The following RBFOX1 variants were observed in gnomAD, a reference collection of about 807,000 sequenced individuals.
RBFOX1 encodes the protein RNA binding protein fox-1 homolog 1.
In RBFOX1, 8 loss-of-function variants were observed where a neutral mutation model predicts 57.7. That is an observed-to-expected ratio of 0.14 (90% CI 0.08 to 0.25). RBFOX1 has a LOEUF of 0.25. Ranked by LOEUF, RBFOX1 falls within the 10% of genes least tolerant of loss-of-function variation. The pLI, the probability that RBFOX1 is intolerant of heterozygous loss-of-function variation, is 1.00. For synonymous variants in RBFOX1, 326 were observed against 222.4 expected, an observed-to-expected ratio of 1.47 and a Z score of -4.15; for missense variants, 611 against 548.5, an observed-to-expected ratio of 1.11 and a Z score of -1.14.
intron 3 of RBFOX1, among the ~76,000 whole-genome samples, chr16:5,643,239 G>A (rs1268694743): frequency 6.6e-6 from 1 of 152,178 alleles, no homozygotes; most frequent in Non-Finnish European, 1.5e-5. Flanking sequence ...GGTGAGCCCC[G>A]CTTTTGACCT....
chr16:6,935,895 C>G (rs1438108838), intron 3 of RBFOX1, among the ~76,000 whole-genome samples: 2 of 152,126 alleles, frequency 1.3e-5, no homozygotes, highest in Non-Finnish European at 1.5e-5. Flanking sequence ...ACATCGGTTG[C>G]TAATGGAACC....
At chr16:5,306,935 T>G (rs550993104) in intron 1 of RBFOX1, among the ~76,000 whole-genome samples, 10 of 152,314 alleles carry the variant, frequency 6.6e-5, no homozygotes, top group Middle Eastern at 3.4e-3. Flanking sequence ...CAGCAGCCAG[T>G]GGGGGTGAGG....
At chr16:6,002,099 G>A (rs2060611198) in intron 4 of RBFOX1, among the ~76,000 whole-genome samples, 1 of 151,478 alleles carries the variant, frequency 6.6e-6, no homozygotes. Flanking sequence ...AGCCTCCCCA[G>A]TAGCTGGGAC....
chr16:7,145,272 T>C (rs1286351998), intron 4 of RBFOX1, among the ~76,000 whole-genome samples: 1 of 152,190 alleles, frequency 6.6e-6, no homozygotes, highest in African/African-American at 2.4e-5. Flanking sequence ...TGGCGCAGTC[T>C]CAGTTCACTG....
At chr16:7,476,683 A>G (rs769150703) in intron 4 of RBFOX1, among the ~76,000 whole-genome samples, 3 of 152,208 alleles carry the variant, frequency 2.0e-5, no homozygotes, top group Admixed American at 6.5e-5. Context: ...TACAAAATTA[A>G]ATCCCTCACT....
chr16:7,244,478 T>G (rs1398289987), intron 4 of RBFOX1, among the ~76,000 whole-genome samples: 1 of 152,140 alleles, frequency 6.6e-6, no homozygotes, highest in Non-Finnish European at 1.5e-5. Flanking sequence ...CTTTGCAAAA[T>G]CATATTCAGT....
At position 5,566,686 on chromosome 16, in the gene RBFOX1, A is replaced by G. The variant is rs554886480; in HGVS notation, c.259-32216A>G. 4.1e-3 allele frequency among the ~76,000 whole-genome samples: 617 copies of G among 151,674 alleles called. 8 individuals carry two copies. Among genetic ancestry groups the G allele is most frequent in the African/African-American group, 0.014 (582 of 41,350 alleles). ...TGTATATGTGTGTATATATGTGTAT[A>G]TATATATACACATATATAGATATAT... On this transcript the variant is annotated intron_variant, in intron 2 of 2. Transcript: ENST00000585867.
chr16:5,699,093 T>A (rs2050943312), intron 3 of RBFOX1, among the ~76,000 whole-genome samples: 1 of 151,682 alleles, frequency 6.6e-6, no homozygotes, highest in Admixed American at 6.6e-5. Flanking sequence ...ATTCAAGTGA[T>A]TCTCATGCCT....
At chr16:7,342,450 A>G (rs190538968) in intron 4 of RBFOX1, among the ~76,000 whole-genome samples, 18 of 152,338 alleles carry the variant, frequency 1.2e-4, no homozygotes, top group Non-Finnish European at 2.4e-4. Context: ...GAAGGGAGCA[A>G]TCCGATTTGA....
chr16:5,725,749 A>G (rs1175912578), intron 3 of RBFOX1, among the ~76,000 whole-genome samples: 1 of 151,902 alleles, frequency 6.6e-6, no homozygotes, highest in East Asian at 1.9e-4. Context: ...TCCTGCCTCC[A>G]CGGAGCTTAT....
chr16:7,686,479 A>G lies in RBFOX1; in HGVS notation c.995+9641A>G, dbSNP rs550306229. On this transcript the variant is annotated intron_variant, in intron 14 of 15. Transcript: ENST00000550418. ...TCTCCCAGTATAAACCCAGCCTTCG[A>G]ACTATCACCGCTTTGGATTTTTGTA... Among the ~76,000 whole-genome samples, 39 of 152,182 alleles carry G rather than the reference A, an allele frequency of 2.6e-4. 1 individual carries two copies. Among genetic ancestry groups the G allele is most frequent in the African/African-American group, 7.5e-4 (31 of 41,548 alleles).
intron 3 of RBFOX1, among the ~76,000 whole-genome samples, chr16:6,675,404 G>A (rs1285191261): frequency 6.6e-6 from 1 of 151,984 alleles, no homozygotes; most frequent in Non-Finnish European, 1.5e-5. Flanking sequence ...CAATTCAGGT[G>A]GGCTCTTCCC....
chr16:6,652,062 G>A (rs1398213824), intron 2 of RBFOX1, among the ~76,000 whole-genome samples: 1 of 152,196 alleles, frequency 6.6e-6, no homozygotes. Flanking sequence ...CTTCCAATGT[G>A]ATTGTGTTTT....
chr16:5,762,326 C>G (rs957947634), intron 3 of RBFOX1, among the ~76,000 whole-genome samples: 3 of 147,248 alleles, frequency 2.0e-5, no homozygotes, highest in African/African-American at 7.6e-5. Context: ...ATTTTTTCTC[C>G]TAGAAATTAA....
At chr16:6,885,293 T>C (rs2063762196) in intron 3 of RBFOX1, among the ~76,000 whole-genome samples, 1 of 152,200 alleles carries the variant, frequency 6.6e-6, no homozygotes, top group Non-Finnish European at 1.5e-5. Context: ...GCGTGTTCTC[T>C]ATCCTCGCTG....
At chr16:7,433,900 G>C (rs1391343462) in intron 4 of RBFOX1, among the ~76,000 whole-genome samples, 1 of 152,204 alleles carries the variant, frequency 6.6e-6, no homozygotes, top group African/African-American at 2.4e-5. Flanking sequence ...ATCTCCAAAG[G>C]AGTTCAGAGA....
intron 2 of RBFOX1, among the ~76,000 whole-genome samples, chr16:6,431,908 T>A (rs76982448): frequency 1.0e-4 from 10 of 97,076 alleles, no homozygotes; most frequent in Non-Finnish European, 2.3e-4. Flanking sequence ...TTTCTTTCTT[T>A]CTTTCTTTCT....
chr16:5,334,401 A>G (rs2064844168), intron 1 of RBFOX1, among the ~76,000 whole-genome samples: 1 of 152,122 alleles, frequency 6.6e-6, no homozygotes, highest in African/African-American at 2.4e-5. Context: ...CTTGTTCAAG[A>G]TGGCTATGTT....
At chr16:7,278,587 T>G (rs1485738756) in intron 4 of RBFOX1, among the ~76,000 whole-genome samples, 1 of 152,250 alleles carries the variant, frequency 6.6e-6, no homozygotes, top group Non-Finnish European at 1.5e-5. Context: ...TATTTCATAT[T>G]GACTTCTGTT....
Sources: gnomAD v4.1 joint callset for allele counts (sites outside exome capture counted in the v4.1 genomes callset) on GRCh38, gnomAD v4.1.1 for gene constraint, MANE v1.5 for transcripts, NCBI Gene and HGNC (gene_info 2026-07-23, HGNC 2026-07-21) for gene names.